Variants in AGBL1 observed in about 807,000 individuals in gnomAD.
AGBL1 encodes the protein cytosolic carboxypeptidase 4.
In AGBL1, 130 loss-of-function variants were observed where a neutral mutation model predicts 118.9. That is an observed-to-expected ratio of 1.09 (90% CI 0.95 to 1.26). The LOEUF (loss-of-function observed/expected upper bound fraction) is 1.26, where lower values mean the gene tolerates loss of function less well. AGBL1 is among the 50% of genes most tolerant of loss of function. The pLI, the probability that AGBL1 is intolerant of heterozygous loss-of-function variation, is 0.00. For missense variants in AGBL1, 1,584 were observed against 1,298.1 expected, an observed-to-expected ratio of 1.22 and a Z score of -3.38; for synonymous variants, 555 against 478.9, an observed-to-expected ratio of 1.16 and a Z score of -2.08.
chr15:86,274,651 C>T (rs913551179), intron 15 of AGBL1, among the ~76,000 whole-genome samples: 1 of 152,098 alleles, frequency 6.6e-6, no homozygotes, highest in Non-Finnish European at 1.5e-5. Context: ...ATATAAAAAC[C>T]GTAGATGCAG....
At chr15:86,771,663 G>C (rs183173325) in intron 22 of AGBL1, among the ~76,000 whole-genome samples, 1 of 152,054 alleles carries the variant, frequency 6.6e-6, no homozygotes, top group African/African-American at 2.4e-5. Flanking sequence ...CTGCACTTGC[G>C]TAAGTGGTAC....
chr15:86,223,782 T>A (rs536219764), intron 5 of AGBL1, among the ~76,000 whole-genome samples: 34 of 152,334 alleles, frequency 2.2e-4, no homozygotes, highest in South Asian at 1.2e-3. Flanking sequence ...TGCTTTCACA[T>A]GTACTGCTTT....
intron 1 of AGBL1, among the ~76,000 whole-genome samples, chr15:86,132,719 A>G (rs755963805): frequency 1.3e-5 from 2 of 152,234 alleles, no homozygotes; most frequent in Non-Finnish European, 2.9e-5. Context: ...TGCAATTTAT[A>G]GAGAGACCAC....
chr15:86,191,955 G>A (rs1334106061), intron 5 of AGBL1, among the ~76,000 whole-genome samples: 2 of 150,562 alleles, frequency 1.3e-5, no homozygotes, highest in Non-Finnish European at 3.0e-5. Flanking sequence ...ACAAAAATTA[G>A]CTAGGTGTAA....
chr15:86,361,565 T>C (rs2080805679), intron 17 of AGBL1, among the ~76,000 whole-genome samples: 1 of 152,128 alleles, frequency 6.6e-6, no homozygotes. Context: ...CTACTATTAT[T>C]GTGTTGATGT....
intron 21 of AGBL1, among the ~76,000 whole-genome samples, chr15:86,554,838 C>G (rs1212336119): frequency 6.6e-6 from 1 of 152,164 alleles, no homozygotes; most frequent in African/African-American, 2.4e-5. Flanking sequence ...CTCTGCTTGC[C>G]TGGCTCTGTT....
chr15:86,779,990 A>C lies in AGBL1; in HGVS notation c.3158+105554A>C, dbSNP rs74903249. On this transcript the variant is annotated intron_variant, in intron 22 of 22. Transcript: ENST00000614907. ...TCAGTATGTTTTATTTCTGAGTCTA[A>C]TGTACTATAACTTATTTTTCTTTTA... Among the ~76,000 whole-genome samples the C allele has an allele frequency of 6.5e-3, 991 of 152,066 alleles. 33 individuals carry two copies. In the East Asian group the frequency reaches 0.12, roughly 18 times the overall value.
chr15:86,800,657 C>T (rs1245344724), intron 22 of AGBL1, among the ~76,000 whole-genome samples: 2 of 152,096 alleles, frequency 1.3e-5, no homozygotes, highest in Non-Finnish European at 2.9e-5. Flanking sequence ...ATATGGCAAG[C>T]AGTGCTAAGT....
At chr15:86,988,070 T>A (rs1363046160) in exon 24 of AGBL1, 1 of 1,613,544 alleles carries the variant, frequency 6.2e-7, no homozygotes, top group African/African-American at 1.3e-5. Flanking sequence ...AAGATGAACC[T>A]TCTTCTGCAT....
intron 9 of AGBL1, among the ~76,000 whole-genome samples, chr15:86,259,105 C>T (rs1314036095): frequency 1.3e-5 from 2 of 152,178 alleles, no homozygotes; most frequent in African/African-American, 2.4e-5. Flanking sequence ...GGCATTTAGA[C>T]CGGTTACTTC....
At chr15:86,334,547 G>A (rs1385505820) in intron 17 of AGBL1, among the ~76,000 whole-genome samples, 4 of 152,070 alleles carry the variant, frequency 2.6e-5, no homozygotes, top group African/African-American at 7.2e-5. Context: ...CCATGGTCAT[G>A]GATTGGAAGA....
chr15:86,250,708 C>T (rs980815702), intron 7 of AGBL1, among the ~76,000 whole-genome samples: 1 of 152,114 alleles, frequency 6.6e-6, no homozygotes, highest in Non-Finnish European at 1.5e-5. Flanking sequence ...TGGCTTGTTA[C>T]TCTTCCCCCC....
At chr15:86,393,183 T>C (rs1390258308) in intron 17 of AGBL1, among the ~76,000 whole-genome samples, 1 of 152,188 alleles carries the variant, frequency 6.6e-6, no homozygotes, top group East Asian at 1.9e-4. Flanking sequence ...CAAGGTCTTG[T>C]GGTGTATTAC....
intron 22 of AGBL1, among the ~76,000 whole-genome samples, chr15:86,702,625 G>C (rs550062403): frequency 6.6e-6 from 1 of 152,168 alleles, no homozygotes; most frequent in South Asian, 2.1e-4. Flanking sequence ...CTTCTTTCCA[G>C]TCCTCATTGC....
At chr15:86,687,544 T>G in intron 22 of AGBL1, among the ~76,000 whole-genome samples, 1 of 152,174 alleles carries the variant, frequency 6.6e-6, no homozygotes, top group Non-Finnish European at 1.5e-5. Context: ...ATTATATGGC[T>G]GAATACTATG....
intron 1 of AGBL1, among the ~76,000 whole-genome samples, chr15:86,135,327 C>T (rs955200817): frequency 1.3e-5 from 2 of 152,236 alleles, no homozygotes; most frequent in African/African-American, 4.8e-5. Flanking sequence ...GCTTCTTGTA[C>T]AGCCTGCAGA....
chr15:86,269,404 G>A (rs773095221), intron 13 of AGBL1, among the ~76,000 whole-genome samples: 7 of 152,172 alleles, frequency 4.6e-5, no homozygotes, highest in Non-Finnish European at 1.0e-4. Context: ...CAAACCAGAT[G>A]TGATTGAATT....
At chr15:86,954,833 A>G (rs2080914405) in intron 23 of AGBL1, among the ~76,000 whole-genome samples, 1 of 152,172 alleles carries the variant, frequency 6.6e-6, no homozygotes, top group Admixed American at 6.6e-5. Context: ...TCCATCTGTT[A>G]TTCTGCTTCT....
chr15:86,970,225 A>G (rs1288489786), intron 23 of AGBL1, among the ~76,000 whole-genome samples: 1 of 151,878 alleles, frequency 6.6e-6, no homozygotes, highest in Non-Finnish European at 1.5e-5. Context: ...ATCCCAATAT[A>G]CTGGGAGGCA....
Sources: gnomAD v4.1 joint callset for allele counts (sites outside exome capture counted in the v4.1 genomes callset) on GRCh38, gnomAD v4.1.1 for gene constraint, MANE v1.5 for transcripts, NCBI Gene and HGNC (gene_info 2026-07-23, HGNC 2026-07-21) for gene names.